Variants in USP18 observed in about 807,000 individuals in gnomAD.
USP18 encodes the protein ubiquitin specific peptidase 18, also known as ubl carboxyl-terminal hydrolase 18.
In USP18, 11 loss-of-function variants were observed where a neutral mutation model predicts 48.7. That is an observed-to-expected ratio of 0.23 (90% CI 0.14 to 0.37). USP18 has a LOEUF of 0.37. Ranked by LOEUF, USP18 falls within the 10% of genes least tolerant of loss-of-function variation. The pLI is 1.00. For missense variants in USP18, 285 were observed against 436.4 expected (o/e 0.65, Z 3.09); for synonymous variants, 114 against 163.2 (o/e 0.70, Z 2.30).
intron 3 of USP18, among the ~76,000 whole-genome samples, chr22:18,161,085 T>C (rs1470550577): frequency 1.3e-5 from 2 of 152,130 alleles, no homozygotes; most frequent in Non-Finnish European, 2.9e-5. Context: ...TTGGTACTTT[T>C]TTAAAGCCCT....
chr22:18,174,882 A>G (rs1247243925), intron 10 of USP18, among the ~76,000 whole-genome samples: 4 of 152,004 alleles, frequency 2.6e-5, no homozygotes, highest in African/African-American at 7.3e-5. Context: ...AGGCATGAAC[A>G]CTGCGCCTGG....
chr22:18,167,377 C>T lies in USP18; in HGVS notation c.480+43C>T, dbSNP rs373887195. The T allele has an allele frequency of 1.1e-5, 18 of 1,604,402 alleles. No individual in the cohort carries two copies. The African/African-American group carries it at 1.6e-4, about 14-fold the overall frequency. ...GAGCACTCGGAAGCTTAAGATGCTGCTCATTTCACTCATTCAGCTGTTGTT... is the reference window on the plus strand; with the variant it reads ...GAGCACTCGGAAGCTTAAGATGCTGTTCATTTCACTCATTCAGCTGTTGTT... On this transcript the variant is annotated intron_variant, in intron 5 of 10. Transcript: ENST00000215794.
intron 1 of USP18, among the ~76,000 whole-genome samples, chr22:18,156,149 C>G (rs534121782): frequency 6.6e-6 from 1 of 152,192 alleles, no homozygotes; most frequent in Non-Finnish European, 1.5e-5. Context: ...TGTGTCCACA[C>G]TCTGTATCTA....
intron 10 of USP18, among the ~76,000 whole-genome samples, chr22:18,174,542 T>C (rs1029476970): frequency 3.3e-5 from 5 of 152,158 alleles, no homozygotes; most frequent in Non-Finnish European, 5.9e-5. Context: ...CTTATATGCT[T>C]TTATTGCATT....
At chr22:18,168,388 A>G (rs1044680159) in intron 6 of USP18, among the ~76,000 whole-genome samples, 1 of 133,472 alleles carries the variant, frequency 7.5e-6, no homozygotes, top group African/African-American at 3.2e-5. Flanking sequence ...CTCATGATGC[A>G]ATAACCTCCC....
intron 1 of USP18, among the ~76,000 whole-genome samples, chr22:18,152,459 C>CAA (rs34118953): frequency 0.017 from 2,110 of 127,096 alleles, 23 homozygotes; most frequent in South Asian, 0.028. Context: ...GAACGTGAAC[C>CAA]AAAAAAAAAA....
intron 1 of USP18, among the ~76,000 whole-genome samples, chr22:18,150,964 A>C (rs1167180709): frequency 1.3e-5 from 2 of 152,244 alleles, no homozygotes; most frequent in African/African-American, 2.4e-5. Flanking sequence ...AACAAACAAA[A>C]AAACCTGATA....
chr22:18,168,120 A>G, intron 6 of USP18, 84 bp downstream of exon 6: 1 of 1,566,934 alleles, frequency 6.4e-7, no homozygotes, highest in Non-Finnish European at 8.7e-7. Context: ...GAGACTAGGT[A>G]ATTTATTTCT....
At chr22:18,153,142 T>G (rs1929041360) in intron 1 of USP18, among the ~76,000 whole-genome samples, 1 of 152,140 alleles carries the variant, frequency 6.6e-6, no homozygotes, top group African/African-American at 2.4e-5. Context: ...TAAGAATATA[T>G]TCCAGGCTGG....
intron 10 of USP18, among the ~76,000 whole-genome samples, chr22:18,174,479 C>T (rs1929726695): frequency 6.6e-6 from 1 of 152,186 alleles, no homozygotes; most frequent in Non-Finnish European, 1.5e-5. Context: ...ATCCACCTGC[C>T]TCAGCCTCCC....
At chr22:18,168,409 T>G (rs532946106) in intron 6 of USP18, among the ~76,000 whole-genome samples, 1 of 147,344 alleles carries the variant, frequency 6.8e-6, no homozygotes, top group Admixed American at 6.8e-5. Context: ...CCCCCCCTTT[T>G]TTTTGGAGAC....
At chr22:18,158,944 T>C (rs1405688969) in intron 2 of USP18, among the ~76,000 whole-genome samples, 1 of 152,124 alleles carries the variant, frequency 6.6e-6, no homozygotes, top group East Asian at 1.9e-4. Flanking sequence ...ATGTTTTTTT[T>C]TCTCTCCCAA....
intron 1 of USP18, among the ~76,000 whole-genome samples, chr22:18,153,056 A>G (rs1248991904): frequency 1.3e-5 from 2 of 152,192 alleles, no homozygotes; most frequent in African/African-American, 4.8e-5. Context: ...AAGAAGAACA[A>G]CTGTTTATAA....
Position 18,167,293 on chromosome 22 carries a change from C to T in USP18, c.439C>T (p.Leu147Phe). The T allele has an allele frequency of 6.2e-7, 1 of 1,613,898 alleles. No individual in the cohort carries two copies. The highest frequency in any genetic ancestry group is 8.5e-7 in the Non-Finnish European group (1 of 1,179,830). ...QHDAAQLYLK[L>F]WNLIKDQITD... ...TGATGCTGCCCAACTGTACCTCAAA[C>T]TCTGGAACCTGATTAAGGACCAGAT... Residue 147 changes from leucine (L) to phenylalanine (F), a missense_variant, in exon 5 of 11, where the codon CTC (leucine) becomes TTC (phenylalanine). This residue lies in a region of USP18 where 199 missense variants were observed against 239.6 expected (regional missense o/e 0.83). Transcript: ENST00000215794.
chr22:18,174,504 A>G (rs549329053), intron 10 of USP18, among the ~76,000 whole-genome samples: 18 of 152,278 alleles, frequency 1.2e-4, no homozygotes, highest in African/African-American at 4.3e-4. Context: ...TGCTGGGATT[A>G]CAGGCATGAG....
intron 8 of USP18, among the ~76,000 whole-genome samples, chr22:18,172,325 G>A (rs1485489754): frequency 6.6e-5 from 10 of 152,062 alleles, no homozygotes; most frequent in Admixed American, 6.5e-4. Flanking sequence ...ACTTCATTAT[G>A]TATCCCTAAA....
At chr22:18,154,122 G>T (rs139567908) in intron 1 of USP18, among the ~76,000 whole-genome samples, 3 of 149,844 alleles carry the variant, frequency 2.0e-5, no homozygotes, top group Non-Finnish European at 3.0e-5. Context: ...CTATTTTTAG[G>T]TTTTTAAGGA....
intron 4 of USP18, among the ~76,000 whole-genome samples, chr22:18,166,634 T>C (rs1929483812): frequency 1.3e-5 from 2 of 152,072 alleles, no homozygotes; most frequent in Admixed American, 1.3e-4. Flanking sequence ...TGTATTCGCC[T>C]TCATTGCTTT....
chr22:18,163,873 C>T (rs879597846), intron 4 of USP18, among the ~76,000 whole-genome samples: 2 of 152,104 alleles, frequency 1.3e-5, no homozygotes, highest in Non-Finnish European at 2.9e-5. Flanking sequence ...TAGAAACCAG[C>T]CCCTTGAGGT....
Sources: allele counts gnomAD v4.1 joint callset (sites outside exome capture counted in the v4.1 genomes callset), GRCh38; gene constraint gnomAD v4.1.1; regional missense constraint gnomAD v4.1.1; transcripts MANE v1.5; gene names NCBI Gene and HGNC (gene_info 2026-07-23, HGNC 2026-07-21).